Variants in CDH15 observed in about 807,000 individuals in gnomAD.
CDH15 encodes cadherin-15.
CDH15 carries 73 observed loss-of-function variants against 69.4 expected under a neutral mutation model. The observed-to-expected ratio is 1.05, with a 90% CI of 0.87 to 1.28. CDH15 has a LOEUF of 1.28. Among genes scored for constraint, CDH15 ranks in the 50% most tolerant of loss-of-function variants. CDH15 has a pLI of 0.00. For synonymous variants in CDH15, 624 were observed against 507.7 expected, an observed-to-expected ratio of 1.23 and a Z score of -3.08; for missense variants, 1,343 against 1,133.6, an observed-to-expected ratio of 1.18 and a Z score of -2.65.
Position 89,187,422 on chromosome 16 carries a change from T to A in CDH15, c.664-7T>A, listed in dbSNP as rs766847436. On this transcript the variant is annotated splice_region_variant and splice_polypyrimidine_tract_variant and intron_variant, in intron 5 of 13. Transcript: ENST00000289746. ...TCATCTTCTGACCCTGTGCCCCACATCCCCAGGTGGTCGCGGTGTACAATC... is the reference window on the plus strand; with the variant it reads ...TCATCTTCTGACCCTGTGCCCCACAACCCCAGGTGGTCGCGGTGTACAATC... The A allele has an allele frequency of 1.6e-5, 26 of 1,612,486 alleles. 1 individual carries two copies. The South Asian group carries it at 2.0e-4, about 12-fold the overall frequency.
intron 4 of CDH15, 68 bp from the exon 5 acceptor site, chr16:89,185,105 C>A: frequency 1.4e-6 from 2 of 1,471,410 alleles, no homozygotes; most frequent in Non-Finnish European, 1.8e-6. Context: ...TGCCCCCACG[C>A]CCCTCACAAT....
At chr16:89,177,386 C>T (rs1014170867) in intron 1 of CDH15, among the ~76,000 whole-genome samples, 3 of 152,160 alleles carry the variant, frequency 2.0e-5, no homozygotes, top group African/African-American at 7.2e-5. Context: ...TTCAAGGGCT[C>T]AGCAGCCCCA....
chr16:89,176,338 G>C (rs550439064), intron 1 of CDH15, among the ~76,000 whole-genome samples: 101 of 152,336 alleles, frequency 6.6e-4, no homozygotes, highest in Middle Eastern at 3.4e-3. Context: ...GAGCCAGCAG[G>C]GGCGTGGTGG....
At chr16:89,190,076 C>A (rs1423678651) in intron 7 of CDH15, among the ~76,000 whole-genome samples, 167 bp from the exon 8 acceptor site, 1 of 152,240 alleles carries the variant, frequency 6.6e-6, no homozygotes, top group Admixed American at 6.5e-5. Flanking sequence ...TAATAATATT[C>A]TTTGTGCCTT....
chr16:89,172,869 T>C (rs934018048), intron 1 of CDH15, among the ~76,000 whole-genome samples: 1 of 152,166 alleles, frequency 6.6e-6, no homozygotes, highest in South Asian at 2.1e-4. Context: ...GGCTTAGCGG[T>C]GCTCACAGTA....
chr16:89,174,647 A>G (rs1274238832), intron 1 of CDH15, among the ~76,000 whole-genome samples: 3 of 152,166 alleles, frequency 2.0e-5, no homozygotes, highest in Admixed American at 1.3e-4. Context: ...CGGTGGCCCC[A>G]GACGTCTCAA....
At chr16:89,184,523 G>A (rs939160178) in intron 4 of CDH15, among the ~76,000 whole-genome samples, 4 of 152,146 alleles carry the variant, frequency 2.6e-5, no homozygotes, top group African/African-American at 4.8e-5. Context: ...CAGGTGGGGC[G>A]GGGGCTCTGG....
intron 1 of CDH15, among the ~76,000 whole-genome samples, chr16:89,177,979 G>A (rs1469928985): frequency 1.3e-5 from 2 of 152,162 alleles, no homozygotes; most frequent in African/African-American, 4.8e-5. Context: ...AGGTGGGGCC[G>A]GGCACCCCAG....
chr16:89,193,980 A>G (rs1915725658), intron 13 of CDH15, 67 bp downstream of exon 13: 3 of 1,502,630 alleles, frequency 2.0e-6, no homozygotes, highest in Non-Finnish European at 2.7e-6. Context: ...ATGCACATGT[A>G]CACACCTGCA....
intron 5 of CDH15, chr16:89,185,997 C>A (rs887362663): frequency 1.3e-5 from 2 of 158,502 alleles, no homozygotes; most frequent in African/African-American, 4.9e-5. Flanking sequence ...GCTTACCCAG[C>A]GCAGAGTAGG....
intron 4 of CDH15, 96 bp downstream of exon 4, chr16:89,183,788 C>T (rs1915427659): frequency 7.6e-7 from 1 of 1,316,946 alleles, no homozygotes; most frequent in East Asian, 2.5e-5. Flanking sequence ...AGAGGCCCCT[C>T]AGAGTCTAAA....
At chr16:89,176,118 C>T (rs992434676) in intron 1 of CDH15, among the ~76,000 whole-genome samples, 2 of 152,238 alleles carry the variant, frequency 1.3e-5, no homozygotes, top group Admixed American at 6.5e-5. Flanking sequence ...AATGGGGGTT[C>T]GGCCTGACAG....
In CDH15 at chr16:89,191,449, C is replaced by T. The variant is rs1464496122; in HGVS notation, c.1352C>T (p.Ala451Val). The stretch of plus-strand genomic sequence containing the variant: ...TTCCTCAAGGGCGGCTGGTACAGAG[C>T]CATCGTCCTGGCCCAGGATGACGGT... ...SPFLKGGWYR[A>V]IVLAQDDASQ... The change falls in exon 9 of 14, where the codon GCC becomes GTC. Residue 451 changes from alanine to valine, a missense_variant. Coordinates refer to ENST00000289746, the MANE Select transcript of CDH15 (RefSeq NM_004933.3). 4.3e-6 allele frequency: 7 copies of T among 1,612,506 alleles called. No homozygotes were observed. The African/African-American group carries it at 9.3e-5, about 22-fold the overall frequency.
At chr16:89,177,143 C>G (rs762599181) in intron 1 of CDH15, among the ~76,000 whole-genome samples, 1 of 146,818 alleles carries the variant, frequency 6.8e-6, no homozygotes, top group African/African-American at 2.5e-5. Flanking sequence ...GTCACTGGGA[C>G]GATGCAGACG....
At chr16:89,187,977 G>T (rs1415668235) in intron 6 of CDH15, 123 bp from the exon 7 acceptor site, 19 of 883,310 alleles carry the variant, frequency 2.2e-5, no homozygotes, top group African/African-American at 3.4e-5. Context: ...GAGCAAGGGA[G>T]GGTGTTCCTG....
intron 5 of CDH15, among the ~76,000 whole-genome samples, chr16:89,186,540 C>A (rs368567018): frequency 3.8e-5 from 5 of 132,544 alleles, no homozygotes; most frequent in East Asian, 5.7e-4. Flanking sequence ...TCTGTAAACG[C>A]TTACCCAGCG....
At chr16:89,189,108 C>T (rs1372488242) in intron 7 of CDH15, among the ~76,000 whole-genome samples, 1 of 141,878 alleles carries the variant, frequency 7.0e-6, no homozygotes, top group East Asian at 2.3e-4. Context: ...CACACAGATG[C>T]CCACGCACAG....
chr16:89,178,270 T>C (rs944921567), intron 1 of CDH15, among the ~76,000 whole-genome samples: 1 of 151,800 alleles, frequency 6.6e-6, no homozygotes, highest in Non-Finnish European at 1.5e-5. Context: ...GGCCCTGGAG[T>C]AGGGTGGGGT....
intron 7 of CDH15, among the ~76,000 whole-genome samples, chr16:89,188,868 CCA>C (rs1567775047): frequency 1.7e-5 from 2 of 120,420 alleles, no homozygotes; most frequent in East Asian, 2.9e-4. Context: ...GCACAGGTGC[CCA>C]CACACAGATG....
Sources: gnomAD v4.1 joint callset for allele counts (sites outside exome capture counted in the v4.1 genomes callset) on GRCh38, gnomAD v4.1.1 for gene constraint, MANE v1.5 for transcripts, NCBI Gene and HGNC (gene_info 2026-07-23, HGNC 2026-07-21) for gene names.